XKR9: variants seen among roughly 807,000 people sequenced by gnomAD.
The protein encoded by XKR9 is XK related 9.
Under a neutral mutation model 32.0 loss-of-function variants are expected in XKR9, and 32 were observed. The ratio of observed to expected loss-of-function variants is 1.00; its 90% CI spans 0.76 to 1.34. The LOEUF is 1.34. Among genes scored for constraint, XKR9 ranks in the 40% most tolerant of loss-of-function variants. XKR9 has a pLI of 0.00. For synonymous variants in XKR9, 168 were observed against 143.4 expected (o/e 1.17, Z -1.22); for missense variants, 546 against 429.7 (o/e 1.27, Z -2.39).
the XKR9 span, among the ~76,000 whole-genome samples, chr8:70,810,376 C>T: frequency 6.6e-6 from 1 of 152,186 alleles, no homozygotes; most frequent in Non-Finnish European, 1.5e-5. Flanking sequence ...GAAGAAACTG[C>T]ATCAACTAAC....
the XKR9 span, among the ~76,000 whole-genome samples, chr8:70,860,080 C>G: frequency 6.6e-6 from 1 of 152,072 alleles, no homozygotes; most frequent in Non-Finnish European, 1.5e-5. Flanking sequence ...ATACATGCAA[C>G]AAAAAATCAC....
chr8:70,926,603 A>T, the XKR9 span, among the ~76,000 whole-genome samples: 1 of 152,232 alleles, frequency 6.6e-6, no homozygotes, highest in Admixed American at 6.5e-5. Context: ...GAGGGCCCAG[A>T]GTGTGACATG....
At chr8:70,860,214 T>C in the XKR9 span, among the ~76,000 whole-genome samples, 1 of 152,116 alleles carries the variant, frequency 6.6e-6, no homozygotes, top group Admixed American at 6.6e-5. Context: ...CCCAGTGTGA[T>C]AGTATTTGGA....
At chr8:70,777,106 C>A (rs989426938) in intron 2 of XKR9, among the ~76,000 whole-genome samples, 3 of 151,578 alleles carry the variant, frequency 2.0e-5, no homozygotes, top group Non-Finnish European at 4.4e-5. Context: ...ATCCCTCTCC[C>A]AGACCCCACC....
chr8:70,951,491 A>G, the XKR9 span, among the ~76,000 whole-genome samples: 1 of 152,232 alleles, frequency 6.6e-6, no homozygotes, highest in Non-Finnish European at 1.5e-5. Context: ...AGCACTTTAC[A>G]CAAGAATACT....
intron 3 of XKR9, among the ~76,000 whole-genome samples, chr8:70,688,707 T>C (rs6987007): frequency 0.4 from 60,123 of 149,876 alleles, 13,589 homozygotes; most frequent in Non-Finnish European, 0.52. Flanking sequence ...TTAGCCACTG[T>C]GCCTGTCCTT....
At chr8:70,716,626 C>T (rs995831518) in intron 4 of XKR9, among the ~76,000 whole-genome samples, 1 of 152,114 alleles carries the variant, frequency 6.6e-6, no homozygotes, top group African/African-American at 2.4e-5. Context: ...TCTACCGTGT[C>T]CCTTCCATGA....
chr8:70,853,891 TG>T, the XKR9 span, among the ~76,000 whole-genome samples: 31 of 152,324 alleles, frequency 2.0e-4, no homozygotes, highest in African/African-American at 7.5e-4. Context: ...TATTCCATGG[TG>T]TATATGTGCC....
the XKR9 span, among the ~76,000 whole-genome samples, chr8:70,908,250 T>A: frequency 1.3e-5 from 2 of 152,218 alleles, no homozygotes; most frequent in African/African-American, 2.4e-5. Context: ...TGTGAGGTAC[T>A]GAGTATACAG....
chr8:70,982,381 A>G, the XKR9 span, among the ~76,000 whole-genome samples: 2 of 152,142 alleles, frequency 1.3e-5, no homozygotes, highest in Non-Finnish European at 2.9e-5. Flanking sequence ...GGGGGATAGC[A>G]GTGTGGTTCA....
chr8:70,966,791 A>G, the XKR9 span, among the ~76,000 whole-genome samples: 1 of 152,146 alleles, frequency 6.6e-6, no homozygotes, highest in Non-Finnish European at 1.5e-5. Flanking sequence ...TGCTTTATGA[A>G]TCTAGGTGCT....
chr8:71,036,226 C>A, the XKR9 span, among the ~76,000 whole-genome samples: 1 of 152,130 alleles, frequency 6.6e-6, no homozygotes, highest in Non-Finnish European at 1.5e-5. Flanking sequence ...ATTACCTTTT[C>A]TATCTTATGG....
chr8:70,904,781 G>A, the XKR9 span, among the ~76,000 whole-genome samples: 1 of 152,080 alleles, frequency 6.6e-6, no homozygotes, highest in African/African-American at 2.4e-5. Context: ...TCCATGTTTA[G>A]TGCTTCCTTT....
At chr8:70,908,301 A>G in the XKR9 span, among the ~76,000 whole-genome samples, 1 of 152,246 alleles carries the variant, frequency 6.6e-6, no homozygotes, top group Non-Finnish European at 1.5e-5. Flanking sequence ...TATAAGCCTC[A>G]AAAGTGTTTT....
the XKR9 span, among the ~76,000 whole-genome samples, chr8:71,030,487 A>G: frequency 6.6e-6 from 1 of 152,206 alleles, no homozygotes; most frequent in Admixed American, 6.5e-5. Flanking sequence ...CACTTTCATC[A>G]CAGGACTCTA....
chr8:70,679,237 A>G (rs112776934), intron 2 of XKR9, among the ~76,000 whole-genome samples: 7 of 152,320 alleles, frequency 4.6e-5, no homozygotes, highest in African/African-American at 1.7e-4. Flanking sequence ...CATTATATGA[A>G]GTCAAGTCAG....
intron 3 of XKR9, 23 bp downstream of exon 3, chr8:70,681,353 T>C: frequency 6.3e-7 from 1 of 1,581,980 alleles, no homozygotes. Context: ...GTTTAATCAT[T>C]ACCACTGTTT....
At chr8:70,964,756 T>A in the XKR9 span, among the ~76,000 whole-genome samples, 3 of 152,064 alleles carry the variant, frequency 2.0e-5, no homozygotes, top group African/African-American at 4.8e-5. Context: ...TGCTTGCCTG[T>A]TTTTGGTGTA....
chr8:70,999,989 C>T, the XKR9 span, among the ~76,000 whole-genome samples: 1 of 152,112 alleles, frequency 6.6e-6, no homozygotes, highest in Non-Finnish European at 1.5e-5. Flanking sequence ...CTCTTTCATT[C>T]TTTCTCCCTA....
Sources: allele counts gnomAD v4.1 joint callset (sites outside exome capture counted in the v4.1 genomes callset), GRCh38; gene constraint gnomAD v4.1.1; transcripts MANE v1.5; gene names NCBI Gene and HGNC (gene_info 2026-07-23, HGNC 2026-07-21).